The following RNGTT variants were observed in gnomAD, a reference collection of about 807,000 sequenced individuals.
The protein encoded by RNGTT is RNA guanylyltransferase and 5'-phosphatase.
A neutral mutation model predicts 79.3 loss-of-function variants in RNGTT; 33 were observed. The observed-to-expected ratio is 0.42, with a 90% confidence interval of 0.32 to 0.56. The LOEUF is 0.56. Among genes scored for constraint, RNGTT ranks in the 20% least tolerant of loss-of-function variants. The probability of loss-of-function intolerance (pLI) is 0.17; values close to 1 mark genes in which losing one functional copy is unlikely to be tolerated. For synonymous variants in RNGTT, 222 were observed against 235.9 expected, an observed-to-expected ratio of 0.94 and a Z score of 0.54; for missense variants, 497 against 739.1, an observed-to-expected ratio of 0.67 and a Z score of 3.80.
intron 13 of RNGTT, among the ~76,000 whole-genome samples, chr6:88,730,227 A>G (rs1342311591): frequency 6.6e-6 from 1 of 152,206 alleles, no homozygotes; most frequent in African/African-American, 2.4e-5. Flanking sequence ...AACTTCCTCA[A>G]AAAGCAACCT....
At chr6:88,756,863 G>A (rs967769756) in intron 13 of RNGTT, among the ~76,000 whole-genome samples, 1 of 152,200 alleles carries the variant, frequency 6.6e-6, no homozygotes, top group African/African-American at 2.4e-5. Context: ...CAGAGTGAAG[G>A]TCAAGGAAAA....
chr6:88,789,002 A>T (rs1779316329), intron 12 of RNGTT, among the ~76,000 whole-genome samples: 1 of 152,258 alleles, frequency 6.6e-6, no homozygotes, highest in Non-Finnish European at 1.5e-5. Flanking sequence ...AGAATATTAA[A>T]TCAAAAGCTA....
chr6:88,612,953 A>AACCTTTCTCAT, intron 15 of RNGTT, 71 bp from the exon 16 acceptor site: 1 of 1,406,186 alleles, frequency 7.1e-7, no homozygotes, highest in Non-Finnish European at 9.8e-7. Flanking sequence ...GGCTTATGAG[A>AACCTTTCTCAT]AAGGTTTTCA....
chr6:88,933,726 T>C (rs1213863758), intron 2 of RNGTT, among the ~76,000 whole-genome samples: 1 of 152,122 alleles, frequency 6.6e-6, no homozygotes, highest in Non-Finnish European at 1.5e-5. Flanking sequence ...GTTCCACCCA[T>C]GTGCTGCAAA....
At chr6:88,689,542 C>T (rs1366383867) in intron 13 of RNGTT, among the ~76,000 whole-genome samples, 7 of 148,724 alleles carry the variant, frequency 4.7e-5, no homozygotes, top group East Asian at 2.0e-4. Flanking sequence ...TGCAGTGAGC[C>T]GAGATCGCGC....
At chr6:88,734,741 T>C (rs926543682) in intron 13 of RNGTT, among the ~76,000 whole-genome samples, 2 of 152,178 alleles carry the variant, frequency 1.3e-5, no homozygotes, top group Non-Finnish European at 2.9e-5. Context: ...GCAACATGCA[T>C]TCAGCAGAAA....
At chr6:88,935,255 C>T (rs1784630250) in intron 2 of RNGTT, among the ~76,000 whole-genome samples, 1 of 152,146 alleles carries the variant, frequency 6.6e-6, no homozygotes, top group Non-Finnish European at 1.5e-5. Context: ...GCATTTATTT[C>T]TGGATTCTCT....
chr6:88,724,229 T>C (rs529686841), intron 13 of RNGTT, among the ~76,000 whole-genome samples: 188 of 152,308 alleles, frequency 1.2e-3, no homozygotes, highest in Non-Finnish European at 2.1e-3. Flanking sequence ...GCCTTCACAC[T>C]CACTCACCAC....
Position 88,826,849 on chromosome 6 carries a change from T to C in RNGTT, c.1269+17508A>G, listed in dbSNP as rs544948012. Among the ~76,000 whole-genome samples, 424 of 145,610 alleles carry C rather than the reference T, an allele frequency of 2.9e-3. 3 individuals carry two copies. The highest frequency in any genetic ancestry group is 3.7e-3 in the Non-Finnish European group (248 of 66,840). ...GTATATATATATATATATATATGTGTGTGTGTATATATATATATATAATAT... is the reference window on the plus strand; with the variant it reads ...GTATATATATATATATATATATGTGCGTGTGTATATATATATATATAATAT... On this transcript the variant is annotated intron_variant, in intron 11 of 15. Coordinates refer to ENST00000369485, the MANE Select transcript of RNGTT (RefSeq NM_003800.5).
intron 5 of RNGTT, 136 bp downstream of exon 5, chr6:88,906,229 T>A: frequency 1.6e-6 from 1 of 619,056 alleles, no homozygotes; most frequent in South Asian, 2.2e-5. Context: ...ATTAACCATA[T>A]CTAAAATGAA....
intron 13 of RNGTT, among the ~76,000 whole-genome samples, chr6:88,684,705 T>C (rs1238867292): frequency 6.6e-6 from 1 of 150,726 alleles, no homozygotes; most frequent in Admixed American, 6.6e-5. Flanking sequence ...CTGTATACTA[T>C]AATGCTAGAT....
chr6:88,955,415 T>C (rs1467438709), intron 1 of RNGTT, among the ~76,000 whole-genome samples: 1 of 151,900 alleles, frequency 6.6e-6, no homozygotes, highest in Non-Finnish European at 1.5e-5. Context: ...CCAGGCATGG[T>C]GGCGGGCGCC....
chr6:88,696,842 T>G (rs1775691289), intron 13 of RNGTT, among the ~76,000 whole-genome samples: 1 of 152,162 alleles, frequency 6.6e-6, no homozygotes, highest in Non-Finnish European at 1.5e-5. Flanking sequence ...AAGCCGTTTC[T>G]GCAGAAAAAG....
At chr6:88,636,205 T>C (rs1242651850) in intron 14 of RNGTT, among the ~76,000 whole-genome samples, 1 of 152,044 alleles carries the variant, frequency 6.6e-6, no homozygotes, top group Non-Finnish European at 1.5e-5. Flanking sequence ...CTCTCTCTGA[T>C]ACATACATTT....
At chr6:88,899,414 A>T (rs1024749232) in intron 6 of RNGTT, among the ~76,000 whole-genome samples, 1 of 152,062 alleles carries the variant, frequency 6.6e-6, no homozygotes, top group Admixed American at 6.6e-5. Flanking sequence ...AGTAGCTGAG[A>T]CTACAAGTGC....
intron 14 of RNGTT, among the ~76,000 whole-genome samples, chr6:88,663,308 T>G (rs760481102): frequency 6.6e-6 from 1 of 152,272 alleles, no homozygotes; most frequent in African/African-American, 2.4e-5. Context: ...TTATGTGAGA[T>G]AGACTATCCA....
At chr6:88,953,446 A>G (rs1338051863) in intron 1 of RNGTT, among the ~76,000 whole-genome samples, 1 of 152,182 alleles carries the variant, frequency 6.6e-6, no homozygotes, top group African/African-American at 2.4e-5. Context: ...TTTAAAAATG[A>G]ACAAAGCCTC....
At chr6:88,767,676 G>T in intron 13 of RNGTT, among the ~76,000 whole-genome samples, 2 of 72,772 alleles carry the variant, frequency 2.7e-5, no homozygotes, top group Admixed American at 2.0e-4. Context: ...ATTCACTTGT[G>T]TCAAAAAAAA....
chr6:88,903,068 A>C (rs561207841), intron 6 of RNGTT, among the ~76,000 whole-genome samples: 2 of 152,358 alleles, frequency 1.3e-5, no homozygotes, highest in Admixed American at 6.5e-5. Context: ...GGGTAATAGA[A>C]GAATAAAAGC....
Sources: allele counts gnomAD v4.1 joint callset (sites outside exome capture counted in the v4.1 genomes callset), GRCh38; gene constraint gnomAD v4.1.1; transcripts MANE v1.5; gene names NCBI Gene and HGNC (gene_info 2026-07-23, HGNC 2026-07-21).